MACROD2: variants seen among roughly 807,000 people sequenced by gnomAD.
MACROD2 encodes the protein ADP-ribose glycohydrolase MACROD2.
MACROD2 carries 36 observed loss-of-function variants against 70.4 expected under a neutral mutation model. That is an observed-to-expected ratio of 0.51 (90% confidence interval 0.39 to 0.68). The LOEUF is 0.68. MACROD2 is among the 30% of genes least tolerant of loss of function. The pLI is 0.00. For missense variants in MACROD2, 496 were observed against 538.4 expected, an observed-to-expected ratio of 0.92 and a Z score of 0.78; for synonymous variants, 172 against 178.8, an observed-to-expected ratio of 0.96 and a Z score of 0.30.
At chr20:15,473,044 T>C (rs1271645973) in intron 7 of MACROD2, among the ~76,000 whole-genome samples, 1 of 152,188 alleles carries the variant, frequency 6.6e-6, no homozygotes, top group African/African-American at 2.4e-5. Context: ...TAGAAAACAA[T>C]AGCAAGAATG....
intron 3 of MACROD2, among the ~76,000 whole-genome samples, chr20:14,201,006 A>G (rs2081475245): frequency 6.9e-6 from 1 of 144,386 alleles, no homozygotes; most frequent in South Asian, 2.2e-4. Context: ...CCTATGAAGG[A>G]TGTTTTTGTT....
intron 3 of MACROD2, among the ~76,000 whole-genome samples, chr20:14,098,554 T>C (rs1408763967): frequency 3.9e-5 from 6 of 152,346 alleles, no homozygotes; most frequent in Admixed American, 2.0e-4. Context: ...TGAATTTTTA[T>C]ATAGGTAAAT....
At chr20:15,225,475 T>C (rs1267219954) in intron 5 of MACROD2, among the ~76,000 whole-genome samples, 1 of 152,222 alleles carries the variant, frequency 6.6e-6, no homozygotes, top group Non-Finnish European at 1.5e-5. Context: ...TCCCCCATCT[T>C]CATAGTTTCT....
rs1236852734 is a variant in MACROD2, at chr20:15,656,274, A to G, written c.645+156427A>G. Among the ~76,000 whole-genome samples, 3 of 152,218 alleles carry G rather than the reference A, an allele frequency of 2.0e-5. No homozygotes were observed. In the East Asian group the frequency reaches 5.8e-4, roughly 29 times the overall value. ...ACAGGGCTAACTAGTTTCTGAAGGA[A>G]TGCATAAAAGAGTCAGGCTGTATGA... On this transcript the variant is annotated intron_variant, in intron 8 of 17. Transcript: ENST00000684519.
At chr20:14,920,184 G>T (rs1022239950) in intron 5 of MACROD2, among the ~76,000 whole-genome samples, 2 of 152,182 alleles carry the variant, frequency 1.3e-5, no homozygotes, top group South Asian at 4.1e-4. Context: ...GAAGGAGTTG[G>T]CAGCTCTCTT....
intron 4 of MACROD2, among the ~76,000 whole-genome samples, chr20:14,521,809 A>G (rs1429940143): frequency 6.6e-6 from 1 of 152,214 alleles, no homozygotes; most frequent in Non-Finnish European, 1.5e-5. Flanking sequence ...ATATTCTGAC[A>G]ACTAATTATT....
intron 6 of MACROD2, among the ~76,000 whole-genome samples, chr20:15,403,923 GC>G (rs1375169852): frequency 2.0e-5 from 3 of 152,176 alleles, no homozygotes; most frequent in African/African-American, 7.2e-5. Context: ...CTATAATGGT[GC>G]CTACAAGGGA....
intron 8 of MACROD2, among the ~76,000 whole-genome samples, chr20:15,610,685 T>A (rs1043232812): frequency 4.6e-5 from 7 of 152,162 alleles, no homozygotes; most frequent in Non-Finnish European, 7.3e-5. Context: ...TACAGGCATC[T>A]TGTGTAGGCA....
intron 8 of MACROD2, among the ~76,000 whole-genome samples, chr20:15,598,349 A>G (rs556217176): frequency 1.3e-5 from 2 of 152,308 alleles, no homozygotes; most frequent in South Asian, 2.1e-4. Flanking sequence ...GAAGCAGGGA[A>G]GAATGCCTTT....
chr20:15,610,989 A>ATTTTTTTT (rs1600665066), intron 8 of MACROD2, among the ~76,000 whole-genome samples: 16 of 79,874 alleles, frequency 2.0e-4, no homozygotes, highest in South Asian at 4.3e-4. Context: ...TTAGCCAAAA[A>ATTTTTTTT]TCTTTTTTTT....
In MACROD2 at chr20:14,438,814, C is replaced by T. The variant is rs114296971; in HGVS notation, c.272-54665C>T. 6.2e-3 allele frequency among the ~76,000 whole-genome samples: 948 copies of T among 152,200 alleles called. 18 individuals are homozygous for T. Among genetic ancestry groups the T allele is most frequent in the African/African-American group, 0.021 (888 of 41,522 alleles). On this transcript the variant is annotated intron_variant, in intron 3 of 17. Transcript: ENST00000684519. ...TCTTTATAAGTCATGGATATTAACC[C>T]GTTATCTGTTGCAGGGTTTACAGTT...
intron 6 of MACROD2, among the ~76,000 whole-genome samples, chr20:15,248,011 T>C (rs1158318081): frequency 1.3e-5 from 2 of 152,220 alleles, no homozygotes; most frequent in African/African-American, 4.8e-5. Context: ...CTTTTCTTTT[T>C]AAACAATATC....
At chr20:15,237,947 G>A (rs463275) in intron 6 of MACROD2, among the ~76,000 whole-genome samples, 16,566 of 152,238 alleles carry the variant, frequency 0.11, 1,131 homozygotes, top group African/African-American at 0.19. Flanking sequence ...AGATGCTGTG[G>A]ATGGGCATGT....
chr20:14,213,655 T>C (rs1275015200), intron 3 of MACROD2, among the ~76,000 whole-genome samples: 1 of 152,078 alleles, frequency 6.6e-6, no homozygotes, highest in Admixed American at 6.6e-5. Flanking sequence ...AATTTTTTAT[T>C]TGTTAAAATT....
At chr20:14,181,658 C>T (rs762299426) in intron 3 of MACROD2, among the ~76,000 whole-genome samples, 1 of 151,904 alleles carries the variant, frequency 6.6e-6, no homozygotes, top group African/African-American at 2.4e-5. Flanking sequence ...TCCTCCAGCT[C>T]GTAGCAGTCA....
Position 14,082,180 on chromosome 20 carries a change from T to TTC in MACROD2, c.164-3440_164-3439insCT, listed in dbSNP as rs1555916950. Among the ~76,000 whole-genome samples, 35 of 125,522 alleles carry TTC rather than the reference T, an allele frequency of 2.8e-4. 1 individual carries two copies. In the South Asian group the frequency reaches 6.8e-3, roughly 25 times the overall value. The allele number at this position is 125,522 out of a possible 152,430, so 82.3% of individuals were successfully genotyped here. On this transcript the variant is annotated intron_variant, in intron 2 of 17. Transcript: ENST00000684519. Reference sequence around the variant, plus strand: ...TCCCATACCTTTCTTTTTTTTTCTTTTTTTTTTTTTTTTTTTGAGATGTAG... The same window carrying TTC: ...TCCCATACCTTTCTTTTTTTTTCTTTTCTTTTTTTTTTTTTTTTGAGATGTAG...
chr20:15,124,244 A>T (rs2076050452), intron 5 of MACROD2, among the ~76,000 whole-genome samples: 1 of 151,136 alleles, frequency 6.6e-6, no homozygotes, highest in South Asian at 2.1e-4. Context: ...AGTAATTTTA[A>T]AAATGTTGGA....
At chr20:15,953,100 G>A (rs73597725) in intron 12 of MACROD2, among the ~76,000 whole-genome samples, 2,834 of 152,230 alleles carry the variant, frequency 0.019, 47 homozygotes, top group African/African-American at 0.052. Context: ...TAAGGGAAAT[G>A]AGTCAGGAAA....
intron 3 of MACROD2, among the ~76,000 whole-genome samples, chr20:14,245,279 C>T (rs892537633): frequency 7.3e-5 from 11 of 150,940 alleles, no homozygotes; most frequent in African/African-American, 2.0e-4. Flanking sequence ...AGGAGAATGG[C>T]GTGAACCTGG....
Sources: allele counts gnomAD v4.1 joint callset (sites outside exome capture counted in the v4.1 genomes callset), GRCh38; gene constraint gnomAD v4.1.1; transcripts MANE v1.5; gene names NCBI Gene and HGNC (gene_info 2026-07-23, HGNC 2026-07-21).